The following TSPYL2 variants were observed in gnomAD, a reference collection of about 807,000 sequenced individuals.
The protein encoded by TSPYL2 is TSPY like 2.
TSPYL2 carries 9 observed loss-of-function variants against 33.0 expected under a neutral mutation model. The observed-to-expected ratio is 0.27, with a 90% CI of 0.16 to 0.48. The LOEUF is 0.48. TSPYL2 is among the 20% of genes least tolerant of loss of function. The probability of loss-of-function intolerance (pLI) is 0.99; values close to 1 mark genes in which losing one functional copy is unlikely to be tolerated. For synonymous variants in TSPYL2, 330 were observed against 233.6 expected, an observed-to-expected ratio of 1.41 and a Z score of -3.77; for missense variants, 636 against 586.2, an observed-to-expected ratio of 1.08 and a Z score of -0.88.
At chrX:53,083,753 G>T (rs1358882000) in intron 1 of TSPYL2, among the ~76,000 whole-genome samples, 1 of 110,948 alleles carries the variant, frequency 9.0e-6, no homozygotes, top group Non-Finnish European at 1.9e-5. Context: ...CCCAGAAAGG[G>T]TGCTTGAGCC....
Position 53,085,074 on chromosome X carries a change from T to A in TSPYL2, c.1118T>A (p.Leu373His). The change falls in exon 4 of 7, where the codon CTC becomes CAC. Residue 373 changes from leucine to histidine, a missense_variant. Leu to His is a moderately conservative substitution (Grantham distance 99, BLOSUM62 -3). This residue lies in a region of TSPYL2 where 401 missense variants were observed against 363.0 expected (regional missense o/e 1.10). Transcript: ENST00000375442. ...SFFSWFSNHS[L>H]PEADRIAEII... ...TTCAGCTGGTTCTCAAACCATAGCC[T>A]CCCAGAGGCTGACAGGATTGCTGAG... 1.7e-6 allele frequency: 2 copies of A among 1,209,193 alleles called. No homozygotes were observed. Among genetic ancestry groups the A allele is most frequent in the Non-Finnish European group, 2.2e-6 (2 of 893,927 alleles).
intron 6 of TSPYL2, 84 bp from the exon 7 acceptor site, chrX:53,087,692 T>C: frequency 9.5e-7 from 1 of 1,047,510 alleles, no homozygotes; most frequent in Non-Finnish European, 1.3e-6. Flanking sequence ...CTGGCTATGG[T>C]CTCTGTTCCC....
chrX:53,086,655 G>A lies in TSPYL2; in HGVS notation c.1918+345G>A, dbSNP rs1382111924. The A allele has an allele frequency of 1.8e-5, 5 of 272,207 alleles. No individual in the cohort carries two copies. The East Asian group carries it at 2.4e-4, about 13-fold the overall frequency. The allele number at this position is 272,207 out of a possible 1,213,427, so 22.4% of individuals were successfully genotyped here. A position where few individuals can be genotyped will look rare whatever the true frequency, so the allele number is the denominator to read the frequency against. ...GTGCATTTCAGCACAGTCTGTACCC[G>A]GCCTTGGCCTTTGGCGCATTTCCAG... On this transcript the variant is annotated intron_variant, in intron 6 of 6. Coordinates refer to ENST00000375442, the MANE Select transcript of TSPYL2 (RefSeq NM_022117.4).
Position 53,086,164 on chromosome X carries a change from G to A in TSPYL2, c.1772G>A (p.Gly591Asp). ...NEGSDDDGNEGDNEGSDDDDR... is the reference protein window; with the variant it reads ...NEGSDDDGNEDDNEGSDDDDR... ...GGCAGTGATGATGATGGCAATGAAG[G>A]TGACAATGAAGGCAGCGATGATGAC... The change falls in exon 6 of 7, where the codon GGT becomes GAT. Residue 591 changes from glycine (G) to aspartate (D), a missense_variant. Around this residue, in one of 3 missense-constraint regions of TSPYL2, gnomAD observed 401 missense variants for 363.0 expected, o/e 1.10. Transcript: ENST00000375442. 1 of 1,206,128 alleles carries A rather than the reference G, an allele frequency of 8.3e-7. No homozygotes were observed.
chrX:53,084,674 G>C, intron 2 of TSPYL2, 52 bp downstream of exon 2: 1 of 1,179,395 alleles, frequency 8.5e-7, no homozygotes, highest in Non-Finnish European at 1.2e-6. Context: ...TCTGGTTCTT[G>C]GAGGTGACGG....
chrX:53,082,402 C>A lies in TSPYL2; in HGVS notation c.-97C>A. 1 of 854,236 alleles carries A rather than the reference C, an allele frequency of 1.2e-6. No individual in the cohort carries two copies. The highest frequency in any genetic ancestry group is 1.6e-6 in the Non-Finnish European group (1 of 637,687). 70.4% of individuals were successfully genotyped at this position (854,236 alleles called of 1,213,427 possible). A position where few individuals can be genotyped will look rare whatever the true frequency, so the allele number is the denominator to read the frequency against. ...GGTGAGGAGAGCTGGTTGCGTGAGTCTCCTCAGCTCTGCTTACCGGTGCGA... is the reference window on the plus strand; with the variant it reads ...GGTGAGGAGAGCTGGTTGCGTGAGTATCCTCAGCTCTGCTTACCGGTGCGA... On this transcript the variant is annotated 5_prime_UTR_variant, in exon 1 of 7. Transcript: ENST00000375442.
Position 53,082,383 on chromosome X carries a change from G to C in TSPYL2, c.-116G>C. On this transcript the variant is annotated 5_prime_UTR_variant, in exon 1 of 7. Transcript: ENST00000375442. ...GGGAACGCCAGAGCGAGGTGGTGAG[G>C]AGAGCTGGTTGCGTGAGTCTCCTCA... 2.9e-6 allele frequency: 2 copies of C among 700,676 alleles called. No individual in the cohort carries two copies. Among genetic ancestry groups the C allele is most frequent in the Non-Finnish European group, 4.0e-6 (2 of 501,650 alleles). 57.7% of individuals were successfully genotyped at this position (700,676 alleles called of 1,213,427 possible). A position where few individuals can be genotyped will look rare whatever the true frequency, so the allele number is the denominator to read the frequency against.
chrX:53,085,586 A>T, intron 5 of TSPYL2, 45 bp from the exon 6 acceptor site: 1 of 1,165,896 alleles, frequency 8.6e-7, no homozygotes, highest in Non-Finnish European at 1.2e-6. Context: ...CTATGAGTAC[A>T]CCACCTCCCA....
rs1252690968 is a variant in TSPYL2, at chrX:53,082,580, C to G, written c.82C>G (p.Pro28Ala). 8.7e-7 allele frequency: 1 copy of G among 1,144,763 alleles called. No individual in the cohort carries two copies. The highest frequency in any genetic ancestry group is 1.2e-6 in the Non-Finnish European group (1 of 866,566). 94.3% of individuals were successfully genotyped at this position (1,144,763 alleles called of 1,213,427 possible). A position where few individuals can be genotyped will look rare whatever the true frequency, so the allele number is the denominator to read the frequency against. Residue 28 changes from proline (P) to alanine (A), a missense_variant, in exon 1 of 7, where the codon CCG becomes GCG. Coordinates refer to ENST00000375442, the MANE Select transcript of TSPYL2 (RefSeq NM_022117.4). Reference sequence around the variant, plus strand: ...GTCTCCACAGCGCGACCCGCCCCCGCCGCCGCCGCCGCCGCCGCTCCTCCG... The same window carrying G: ...GTCTCCACAGCGCGACCCGCCCCCGGCGCCGCCGCCGCCGCCGCTCCTCCG... Reference protein sequence around the residue: ...SESPQRDPPPPPPPPPLLRLP... With the variant: ...SESPQRDPPPAPPPPPLLRLP...
chrX:53,082,958 T>C lies in TSPYL2; in HGVS notation c.460T>C (p.Trp154Arg). The change falls in exon 1 of 7, where the codon TGG (tryptophan) becomes CGG (arginine). Residue 154 changes from tryptophan to arginine, a missense_variant. By Grantham distance (101) the Trp-to-Arg change is moderately radical (BLOSUM62 -3). This residue lies in a region of TSPYL2 where 231 missense variants were observed against 201.6 expected (regional missense o/e 1.15). Transcript: ENST00000375442. ...CCTAGAAACCTGTAGCGCAGTGGGG[T>C]GGGCGCCCCAGAGGTTAGTTGACCC... ...GALETCSAVG[W>R]APQRLVDPKS... The C allele has an allele frequency of 5.0e-6, 6 of 1,209,559 alleles. No homozygotes were observed. Among genetic ancestry groups the C allele is most frequent in the Non-Finnish European group, 6.7e-6 (6 of 894,855 alleles).
chrX:53,086,323 C>G lies in TSPYL2; in HGVS notation c.1918+13C>G. 1 of 1,147,134 alleles carries G rather than the reference C, an allele frequency of 8.7e-7. No individual in the cohort carries two copies. Among genetic ancestry groups the G allele is most frequent in the Admixed American group, 2.2e-5 (1 of 44,702 alleles). The allele number at this position is 1,147,134 out of a possible 1,213,427, so 94.5% of individuals were successfully genotyped here. A position where few individuals can be genotyped will look rare whatever the true frequency, so the allele number is the denominator to read the frequency against. ...GGCATTGAGGAAGGTGAGCTAATCC[C>G]CCCCCACCCTTGTCTTCCCTCTTTT... On this transcript the variant is annotated intron_variant, in intron 6 of 6. Transcript: ENST00000375442.
At position 53,084,969 on chromosome X, in the gene TSPYL2, A is replaced by G; in HGVS notation, c.1013A>G (p.His338Arg). ...QRNRSGRLVSHSTPIRWHRGQ... is the reference protein window; with the variant it reads ...QRNRSGRLVSRSTPIRWHRGQ... ...CTCTCCCTAGGCCGGCTGGTGTCTC[A>G]CTCAACCCCAATCCGCTGGCACCGG... The change falls in exon 4 of 7, where the codon CAC becomes CGC. Residue 338 changes from histidine (H) to arginine (R), a missense_variant. Coordinates refer to ENST00000375442, the MANE Select transcript of TSPYL2 (RefSeq NM_022117.4). 2 of 1,209,306 alleles carry G rather than the reference A, an allele frequency of 1.7e-6. No homozygotes were observed. Among genetic ancestry groups the G allele is most frequent in the Non-Finnish European group, 2.2e-6 (2 of 894,404 alleles).
chrX:53,086,687 G>A, intron 6 of TSPYL2: 1 of 232,339 alleles, frequency 4.3e-6, no homozygotes, highest in Non-Finnish European at 7.7e-6. Flanking sequence ...CCAGGCTTGT[G>A]TTGGGAGCAG....
rs894583760 is a variant in TSPYL2 at position 53,083,311 on chromosome X, C to T, written c.807+6C>T. On this transcript the variant is annotated splice_donor_region_variant and intron_variant, in intron 1 of 6. Transcript: ENST00000375442. ...CAGGCTTCTGGGTCAAAGCAGTATC[C>T]TTCTAATCGATACTCCGTAGGTCAG... 10 of 1,194,999 alleles carry T rather than the reference C, an allele frequency of 8.4e-6. No homozygotes were observed. Among genetic ancestry groups the T allele is most frequent in the South Asian group, 3.6e-5 (2 of 55,847 alleles).
intron 2 of TSPYL2, 36 bp from the exon 3 acceptor site, chrX:53,084,719 G>C (rs1556807930): frequency 1.7e-6 from 2 of 1,188,461 alleles, no homozygotes; most frequent in Non-Finnish European, 1.1e-6. Context: ...GTGTTGGGGG[G>C]GGGACAGATT....
At position 53,085,282 on chromosome X, in the gene TSPYL2, G is replaced by T; in HGVS notation, c.1199G>T (p.Gly400Val). 4.1e-6 allele frequency: 5 copies of T among 1,209,193 alleles called. No individual in the cohort carries two copies. The highest frequency in any genetic ancestry group is 5.6e-6 in the Non-Finnish European group (5 of 894,510). ...NPLRYYLRER[G>V]SRIKRKKQEM... ...CTACGCTACTACCTGAGAGAAAGGG[G>T]CTCCAGGATAAAGAGAAAGAAGCAA... The change falls in exon 5 of 7, where the codon GGC becomes GTC. Residue 400 changes from glycine to valine, a missense_variant. By Grantham distance (109) the Gly-to-Val change is moderately radical. Coordinates refer to ENST00000375442, the MANE Select transcript of TSPYL2 (RefSeq NM_022117.4).
In TSPYL2 at chrX:53,087,988, C is replaced by G. The variant is rs1207523885; in HGVS notation, c.*49C>G. 2 of 1,161,997 alleles carry G rather than the reference C, an allele frequency of 1.7e-6. No homozygotes were observed. The highest frequency in any genetic ancestry group is 2.3e-6 in the Non-Finnish European group (2 of 858,310). On this transcript the variant is annotated 3_prime_UTR_variant, in exon 7 of 7. Transcript: ENST00000375442. ...CCTCTCTGTATCCCCCACCCACTATCCCATTTGCCCTCCTCCTCAGCTAGG... is the reference window on the plus strand; with the variant it reads ...CCTCTCTGTATCCCCCACCCACTATGCCATTTGCCCTCCTCCTCAGCTAGG...
At position 53,086,255 on chromosome X, in the gene TSPYL2, G is replaced by A; in HGVS notation, c.1863G>A (p.Glu621=). 3 of 1,211,571 alleles carry A rather than the reference G, an allele frequency of 2.5e-6. No individual in the cohort carries two copies. Among genetic ancestry groups the A allele is most frequent in the Non-Finnish European group, 3.4e-6 (3 of 895,462 alleles). Residue 621 remains glutamate, a synonymous_variant, in exon 6 of 7, where the codon GAG becomes GAA. Transcript: ENST00000375442. ...EDFDKDQADY[E]DVIEIISDES... ...TTGACAAGGATCAGGCTGACTACGAGGACGTGATAGAGATCATCTCAGACG... is the reference window on the plus strand; with the variant it reads ...TTGACAAGGATCAGGCTGACTACGAAGACGTGATAGAGATCATCTCAGACG...
rs1932792691 is a variant in TSPYL2, at chrX:53,088,116, G to A, written c.*177G>A. The A allele has an allele frequency of 4.4e-6, 2 of 458,117 alleles. No individual in the cohort carries two copies. The highest frequency in any genetic ancestry group is 3.7e-5 in the East Asian group (1 of 26,811). 37.8% of individuals were successfully genotyped at this position (458,117 alleles called of 1,213,427 possible). On this transcript the variant is annotated 3_prime_UTR_variant, in exon 7 of 7. Coordinates refer to ENST00000375442, the MANE Select transcript of TSPYL2 (RefSeq NM_022117.4). ...TCATTGCAGAGTTCTTATTTTGGGG[G>A]GAGGGAAAGGGGGCTAGTCCCCTTC...
Sources: allele counts gnomAD v4.1 joint callset (sites outside exome capture counted in the v4.1 genomes callset), GRCh38; gene constraint gnomAD v4.1.1; regional missense constraint gnomAD v4.1.1; transcripts MANE v1.5; gene names NCBI Gene and HGNC (gene_info 2026-07-23, HGNC 2026-07-21).